Variants in TMPRSS9 observed in about 807,000 individuals in gnomAD.
The protein encoded by TMPRSS9 is transmembrane serine protease 9.
In TMPRSS9, 113 loss-of-function variants were observed where a neutral mutation model predicts 111.4. That is an observed-to-expected ratio of 1.01 (90% CI 0.87 to 1.19). The LOEUF (loss-of-function observed/expected upper bound fraction) is 1.19. TMPRSS9 is among the 50% of genes most tolerant of loss of function. TMPRSS9 has a pLI of 0.00. For missense variants in TMPRSS9, 1,803 were observed against 1,513.1 expected, an observed-to-expected ratio of 1.19 and a Z score of -3.18; for synonymous variants, 805 against 659.1, an observed-to-expected ratio of 1.22 and a Z score of -3.39.
chr19:2,418,122 A>T (rs1354086872), exon 13 of TMPRSS9: 1 of 1,611,822 alleles, frequency 6.2e-7, no homozygotes, highest in South Asian at 1.1e-5. Context: ...CTGGAAGGCA[A>T]AGTCGACTCC....
chr19:2,388,621 TC>T (rs1970523085), upstream of TMPRSS9, among the ~76,000 whole-genome samples: 1 of 152,062 alleles, frequency 6.6e-6, no homozygotes, highest in Non-Finnish European at 1.5e-5. Flanking sequence ...CAATCAGTAT[TC>T]CATTTTTAAA....
At chr19:2,366,138 G>C (rs1195850495) in intron 1 of TMPRSS9, among the ~76,000 whole-genome samples, 2 of 152,128 alleles carry the variant, frequency 1.3e-5, no homozygotes, top group African/African-American at 4.8e-5. Context: ...TGAGCAACTA[G>C]AAAACATTGG....
intron 8 of TMPRSS9, among the ~76,000 whole-genome samples, chr19:2,409,764 A>G (rs1045417216): frequency 6.6e-6 from 1 of 152,000 alleles, no homozygotes; most frequent in Non-Finnish European, 1.5e-5. Context: ...GATGTGACTG[A>G]TTTAATATTT....
intron 10 of TMPRSS9, among the ~76,000 whole-genome samples, chr19:2,415,363 G>C (rs1260887526): frequency 6.6e-6 from 1 of 152,142 alleles, no homozygotes; most frequent in Non-Finnish European, 1.5e-5. Flanking sequence ...TCTTTGCAAG[G>C]AGGCCATAAA....
At chr19:2,364,548 C>G (rs541536975) in intron 1 of TMPRSS9, among the ~76,000 whole-genome samples, 2 of 151,846 alleles carry the variant, frequency 1.3e-5, no homozygotes, top group South Asian at 4.2e-4. Context: ...GCACCCAGCC[C>G]TTTGTTGTTT....
At chr19:2,421,613 C>T (rs771141645) in intron 13 of TMPRSS9, among the ~76,000 whole-genome samples, 3 of 152,050 alleles carry the variant, frequency 2.0e-5, no homozygotes, top group African/African-American at 4.8e-5. Context: ...TAGAGTTTTT[C>T]TGCATTGTTT....
At chr19:2,420,310 C>T (rs895398958) in intron 13 of TMPRSS9, among the ~76,000 whole-genome samples, 4 of 151,942 alleles carry the variant, frequency 2.6e-5, no homozygotes, top group East Asian at 1.9e-4. Flanking sequence ...GGCATGGTGG[C>T]GGGTGCTGGT....
At chr19:2,383,583 A>G (rs1264243388) in intron 1 of TMPRSS9, among the ~76,000 whole-genome samples, 1 of 115,866 alleles carries the variant, frequency 8.6e-6, no homozygotes, top group Non-Finnish European at 1.8e-5. Flanking sequence ...TGATCCTCCT[A>G]TCTCGGCCTC....
At chr19:2,421,446 G>A (rs190663031) in intron 13 of TMPRSS9, among the ~76,000 whole-genome samples, 6 of 151,544 alleles carry the variant, frequency 4.0e-5, no homozygotes, top group Admixed American at 3.9e-4. Context: ...CCACCACCAC[G>A]CCCAGCTAAT....
chr19:2,403,243 G>T (rs769794694), intron 6 of TMPRSS9, 48 bp downstream of exon 7: 1 of 1,480,788 alleles, frequency 6.8e-7, no homozygotes, highest in East Asian at 2.3e-5. Context: ...CCCTTTTCCA[G>T]GGTCAGCTGC....
At chr19:2,400,154 T>G (rs534677662) in intron 4 of TMPRSS9, among the ~76,000 whole-genome samples, 1 of 152,232 alleles carries the variant, frequency 6.6e-6, no homozygotes, top group Non-Finnish European at 1.5e-5. Context: ...ATAAAACTTA[T>G]TAAAAATAAC....
At position 2,425,202 on chromosome 19, in the gene TMPRSS9, C is replaced by T. The variant is rs1283791960; in HGVS notation, c.2918C>T (p.Pro973Leu). ...GTGCGTCCCATCTGCCTGCCCGAGC[C>T]CGCGCCGCGACCCCCGGACGGCACG... The change falls in exon 16 of 18, where the codon CCC becomes CTC. Residue 973 changes from proline to leucine, a missense_variant. Pro to Leu is a moderately conservative substitution (Grantham distance 98). Transcript: ENST00000648592. 11 of 1,513,548 alleles carry T rather than the reference C, an allele frequency of 7.3e-6. No individual in the cohort carries two copies. Among genetic ancestry groups the T allele is most frequent in the African/African-American group, 1.4e-5 (1 of 70,502 alleles). 93.8% of individuals were successfully genotyped at this position (1,513,548 alleles called of 1,614,324 possible).
intron 14 of TMPRSS9, among the ~76,000 whole-genome samples, chr19:2,422,574 C>T (rs1568193201): frequency 6.6e-6 from 1 of 151,398 alleles, no homozygotes; most frequent in African/African-American, 2.4e-5. Flanking sequence ...AACTCCGTCT[C>T]AAAAAAGAAA....
chr19:2,414,249 T>C, intron 10 of TMPRSS9: 1 of 466,548 alleles, frequency 2.1e-6, no homozygotes, highest in East Asian at 3.4e-5. Context: ...GATACTTTTT[T>C]TTTTTTTTGA....
Position 2,383,780 on chromosome 19 carries a change from G to T in TMPRSS9, c.-25-5981G>T, listed in dbSNP as rs540694820. 2.7e-3 allele frequency among the ~76,000 whole-genome samples: 410 copies of T among 150,356 alleles called. 2 individuals carry two copies. Among genetic ancestry groups the T allele is most frequent in the African/African-American group, 9.7e-3 (396 of 40,962 alleles). On this transcript the variant is annotated intron_variant, in intron 1 of 17. Transcript: ENST00000649857. ...GATCACACCACTGCACTCCAGCCTGGGGGACAGAGTGAGACCCCCCCATCT... is the reference window on the plus strand; with the variant it reads ...GATCACACCACTGCACTCCAGCCTGTGGGACAGAGTGAGACCCCCCCATCT...
exon 18 of TMPRSS9, chr19:2,426,070 A>G (rs1971621462): frequency 6.2e-7 from 1 of 1,608,584 alleles, no homozygotes; most frequent in Non-Finnish European, 8.5e-7. Context: ...GCTGGATAGG[A>G]CAGCACATCC....
At position 2,413,977 on chromosome 19, in the gene TMPRSS9, G is replaced by T. The variant is rs759011295; in HGVS notation, c.1532G>T (p.Ser511Ile). 1.9e-6 allele frequency: 3 copies of T among 1,608,152 alleles called. No individual in the cohort carries two copies. In the Admixed American group the frequency reaches 5.1e-5, roughly 27 times the overall value. The change falls in exon 10 of 18, where the codon AGT becomes ATT. Residue 511 changes from serine (S) to isoleucine (I), a missense_variant. Ser to Ile is a moderately radical substitution (Grantham distance 142). Transcript: ENST00000648592. ...CCCACCAAATCGATGCAGGCCCTCA[G>T]TACCGTGCCTCTTGACTGGGTCACC...
At chr19:2,402,967 G>A (rs1970883143) in intron 5 of TMPRSS9, 115 bp from the exon 7 acceptor site, 1 of 745,036 alleles carries the variant, frequency 1.3e-6, no homozygotes, top group East Asian at 2.8e-5. Flanking sequence ...GAAAGAAAAG[G>A]AGAGAGAGAG....
At chr19:2,420,213 C>T (rs2145410217) in intron 13 of TMPRSS9, among the ~76,000 whole-genome samples, 1 of 152,118 alleles carries the variant, frequency 6.6e-6, no homozygotes, top group South Asian at 2.1e-4. Flanking sequence ...CCGAGGCAGG[C>T]AGATCACCTG....
Sources: gnomAD v4.1 joint callset for allele counts (sites outside exome capture counted in the v4.1 genomes callset) on GRCh38, gnomAD v4.1.1 for gene constraint, MANE v1.5 for transcripts, NCBI Gene and HGNC (gene_info 2026-07-23, HGNC 2026-07-21) for gene names.